The following ABHD6 variants were observed in gnomAD, a reference collection of about 807,000 sequenced individuals.
The protein encoded by ABHD6 is abhydrolase domain containing 6, acylglycerol lipase.
Under a neutral mutation model 38.8 loss-of-function variants are expected in ABHD6, and 33 were observed. The observed-to-expected ratio is 0.85, with a 90% CI of 0.64 to 1.14. The LOEUF is 1.14. Among genes scored for constraint, ABHD6 ranks in the 50% most tolerant of loss-of-function variants. ABHD6 has a pLI of 0.00. For missense variants in ABHD6, 380 were observed against 422.6 expected (o/e 0.90, Z 0.88); for synonymous variants, 147 against 161.6 (o/e 0.91, Z 0.69).
chr3:58,284,928 G>A (rs999184478), intron 7 of ABHD6, among the ~76,000 whole-genome samples, 157 bp from the exon 8 acceptor site: 1 of 152,106 alleles, frequency 6.6e-6, no homozygotes, highest in Admixed American at 6.5e-5. Flanking sequence ...CCATTAGACT[G>A]TGTGCTGCAT....
chr3:58,286,926 T>C (rs2097457903), intron 9 of ABHD6, among the ~76,000 whole-genome samples: 1 of 143,302 alleles, frequency 7.0e-6, no homozygotes, highest in South Asian at 2.3e-4. Context: ...CCCAAACAAA[T>C]CTATTCCTTC....
intron 2 of ABHD6, among the ~76,000 whole-genome samples, chr3:58,254,681 A>G (rs2107432797): frequency 6.6e-6 from 1 of 152,224 alleles, no homozygotes; most frequent in East Asian, 1.9e-4. Flanking sequence ...AGTCCTGCAC[A>G]CTTAGCACAG....
intron 3 of ABHD6, among the ~76,000 whole-genome samples, chr3:58,260,070 G>T (rs2097435965): frequency 6.6e-6 from 1 of 152,192 alleles, no homozygotes; most frequent in Non-Finnish European, 1.5e-5. Flanking sequence ...TATACAGTTT[G>T]TTCATCCATT....
At position 58,293,834 on chromosome 3, in the gene ABHD6, ACT is replaced by A. The variant is rs2097465290; in HGVS notation, c.*73_*74del. 1.3e-6 allele frequency: 2 copies of A among 1,541,434 alleles called. No homozygotes were observed. The highest frequency in any genetic ancestry group is 1.8e-6 in the Non-Finnish European group (2 of 1,136,640). Reference sequence around the variant, plus strand: ...ATCCCCCAAGTCTGACGCAGCCACCACTCTCAGGGATCCTGCCCCAAATGCGG... The same window carrying A: ...ATCCCCCAAGTCTGACGCAGCCACCACTCAGGGATCCTGCCCCAAATGCGG... On this transcript the variant is annotated 3_prime_UTR_variant, in exon 10 of 10. Transcript: ENST00000478253. This position sits in a 1 kb window ranked among gnomAD's most constrained non-coding sequence, Gnocchi z 4.4.
At chr3:58,277,423 G>T (rs778307389) in intron 7 of ABHD6, among the ~76,000 whole-genome samples, 80 of 151,914 alleles carry the variant, frequency 5.3e-4, no homozygotes, top group Non-Finnish European at 1.5e-4. Context: ...GTTTGTTATT[G>T]TTGTATAGGA....
intron 7 of ABHD6, 54 bp downstream of exon 7, chr3:58,274,869 G>A: frequency 3.8e-6 from 6 of 1,576,912 alleles, no homozygotes; most frequent in Non-Finnish European, 5.2e-6. Flanking sequence ...CCGGGGGCGA[G>A]TACCAGCTTC....
chr3:58,240,990 A>G lies in ABHD6; in HGVS notation c.-91+3074A>G, dbSNP rs533630947. On this transcript the variant is annotated intron_variant, in intron 1 of 9. Transcript: ENST00000478253. ...GGTGATCTGCCCGCCTCTACCTCCC[A>G]AAGTGCTGGGATTGCAGATGTGAGC... Among the ~76,000 whole-genome samples, 15 of 152,152 alleles carry G rather than the reference A, an allele frequency of 9.9e-5. 1 individual carries two copies. The highest frequency in any genetic ancestry group is 3.6e-4 in the African/African-American group (15 of 41,498).
chr3:58,281,173 C>G (rs1016101445), intron 7 of ABHD6, among the ~76,000 whole-genome samples: 2 of 152,240 alleles, frequency 1.3e-5, no homozygotes, highest in African/African-American at 4.8e-5. Context: ...TTGCCTGCTG[C>G]CTTTTGTTCA....
rs769155755 is a variant in ABHD6, at chr3:58,256,076, AACAC to A, written c.-25-456_-25-453del. On this transcript the variant is annotated intron_variant, in intron 2 of 9. Transcript: ENST00000478253. This position sits in a 1 kb window ranked among gnomAD's most constrained non-coding sequence, Gnocchi z 4.3. ...TATTTCTCTCTCTTTTCCTCCCACC[AACAC>A]ACACACACACACACACACACACACA... 9.3e-4 allele frequency among the ~76,000 whole-genome samples: 61 copies of A among 65,528 alleles called. No homozygotes were observed. The highest frequency in any genetic ancestry group is 7.7e-3 in the Middle Eastern group (1 of 130). 43.0% of individuals were successfully genotyped at this position (65,528 alleles called of 152,430 possible). A position where few individuals can be genotyped will look rare whatever the true frequency, so the allele number is the denominator to read the frequency against.
At chr3:58,274,012 C>T (rs141179683) in intron 6 of ABHD6, among the ~76,000 whole-genome samples, 1 of 152,170 alleles carries the variant, frequency 6.6e-6, no homozygotes, top group Non-Finnish European at 1.5e-5. Context: ...ACTCTCGTGT[C>T]GTGCCCTGAG....
rs772009838 is a variant in ABHD6 at position 58,273,893 on chromosome 3, A to G, written c.524-765A>G. On this transcript the variant is annotated intron_variant, in intron 6 of 9. Transcript: ENST00000478253. This position sits in a 1 kb window ranked among gnomAD's most constrained non-coding sequence, Gnocchi z 4.8. ...GTATCCCAGAACTTAAAGTAAAAAA[A>G]GAAAAAAAAATCTAATTATTTGGCT... 3.8e-4 allele frequency among the ~76,000 whole-genome samples: 58 copies of G among 152,232 alleles called. No homozygotes were observed. The highest frequency in any genetic ancestry group is 6.5e-4 in the Non-Finnish European group (44 of 68,032).
At chr3:58,288,680 T>C (rs1159733939) in intron 9 of ABHD6, among the ~76,000 whole-genome samples, 1 of 152,162 alleles carries the variant, frequency 6.6e-6, no homozygotes, top group Non-Finnish European at 1.5e-5. Flanking sequence ...TGCCTAACAC[T>C]GTATTAGGCC....
intron 3 of ABHD6, among the ~76,000 whole-genome samples, chr3:58,258,908 G>A (rs944445811): frequency 1.3e-5 from 2 of 152,162 alleles, no homozygotes; most frequent in African/African-American, 2.4e-5. Context: ...CTGAGAAAGC[G>A]AGACTCACTC....
At chr3:58,247,184 G>A (rs766062494) in intron 1 of ABHD6, among the ~76,000 whole-genome samples, 1 of 151,812 alleles carries the variant, frequency 6.6e-6, no homozygotes, top group Non-Finnish European at 1.5e-5. Context: ...TGTATTTTTA[G>A]TAGAGGTGGG....
chr3:58,290,509 T>A (rs1289971819), intron 9 of ABHD6, among the ~76,000 whole-genome samples: 4 of 113,174 alleles, frequency 3.5e-5, no homozygotes, highest in Admixed American at 8.6e-5. Context: ...GCGGCTGGCC[T>A]GGCAGGGGCT....
rs1235603195 is a variant in ABHD6 at position 58,286,852 on chromosome 3, G to GTA, written c.837+1415_837+1416dup. 9.6e-4 allele frequency among the ~76,000 whole-genome samples: 68 copies of GTA among 70,636 alleles called. 3 individuals are homozygous for GTA. In the South Asian group the frequency reaches 0.019, roughly 20 times the overall value. 46.3% of individuals were successfully genotyped at this position (70,636 alleles called of 152,430 possible). On this transcript the variant is annotated intron_variant, in intron 9 of 9. Coordinates refer to ENST00000478253, the MANE Select transcript of ABHD6 (RefSeq NM_001320126.2). Reference sequence around the variant, plus strand: ...TGTGTGTGTGTGTGTGTGTGTGTGTGTATATATATATATATATGTATATGT... The same window carrying GTA: ...TGTGTGTGTGTGTGTGTGTGTGTGTGTATATATATATATATATATGTATATGT...
Position 58,266,573 on chromosome 3 carries a change from A to T in ABHD6, c.120-616A>T, listed in dbSNP as rs1268882929. ...TTATTTTACACAAAGAGTTAAGACCAGTCAGTTTAGGTTATTTGCTTTTGC... is the reference window on the plus strand; with the variant it reads ...TTATTTTACACAAAGAGTTAAGACCTGTCAGTTTAGGTTATTTGCTTTTGC... On this transcript the variant is annotated intron_variant, in intron 3 of 9. Transcript: ENST00000478253. The surrounding 1 kb of genome is among the most constrained non-coding windows in gnomAD (Gnocchi z 4.0). Among the ~76,000 whole-genome samples, 1 of 152,180 alleles carries T rather than the reference A, an allele frequency of 6.6e-6. No individual in the cohort carries two copies. The highest frequency in any genetic ancestry group is 1.5e-5 in the Non-Finnish European group (1 of 68,046).
chr3:58,280,616 T>C (rs1413821486), intron 7 of ABHD6, among the ~76,000 whole-genome samples: 1 of 152,224 alleles, frequency 6.6e-6, no homozygotes, highest in Non-Finnish European at 1.5e-5. Flanking sequence ...TCATTTTCCA[T>C]CCAGCTTTGT....
intron 2 of ABHD6, among the ~76,000 whole-genome samples, chr3:58,254,849 TATAC>T (rs968220749): frequency 3.7e-5 from 3 of 82,070 alleles, no homozygotes; most frequent in Admixed American, 2.6e-4. Context: ...TATATATGTG[TATAC>T]ACACACACAC....
Sources: gnomAD v4.1 joint callset for allele counts (sites outside exome capture counted in the v4.1 genomes callset) on GRCh38, gnomAD v4.1.1 for gene constraint, Gnocchi (gnomAD v3.1) non-coding constraint, MANE v1.5 for transcripts, NCBI Gene and HGNC (gene_info 2026-07-23, HGNC 2026-07-21) for gene names.